The following ASB17 variants were observed in gnomAD, a reference collection of about 807,000 sequenced individuals.
ASB17 encodes the protein ankyrin repeat and SOCS box protein 17.
Under a neutral mutation model 25.7 loss-of-function variants are expected in ASB17, and 26 were observed. The ratio of observed to expected loss-of-function variants is 1.01; its 90% confidence interval spans 0.74 to 1.40. ASB17 has a LOEUF of 1.40. ASB17 is among the 40% of genes most tolerant of loss of function. The pLI is 0.00. For synonymous variants in ASB17, 128 were observed against 121.4 expected (o/e 1.05, Z -0.36); for missense variants, 326 against 338.5 (o/e 0.96, Z 0.29).
intron 1 of ASB17, among the ~76,000 whole-genome samples, chr1:75,931,483 T>C (rs1653319778): frequency 6.6e-6 from 1 of 152,224 alleles, no homozygotes; most frequent in African/African-American, 2.4e-5. Flanking sequence ...CTATTGTGTT[T>C]AATAAGTATT....
intron 1 of ASB17, among the ~76,000 whole-genome samples, chr1:75,928,723 A>G (rs1264501815): frequency 6.6e-6 from 1 of 152,232 alleles, no homozygotes; most frequent in Non-Finnish European, 1.5e-5. Context: ...ACTTCAGTGC[A>G]GTACAGGAAA....
intron 1 of ASB17, among the ~76,000 whole-genome samples, chr1:75,929,973 G>C (rs1196350170): frequency 2.1e-5 from 3 of 145,566 alleles, no homozygotes; most frequent in Admixed American, 6.9e-5. Context: ...TTGGCAGAGA[G>C]GGGGGGTGAG....
intron 1 of ASB17, among the ~76,000 whole-genome samples, chr1:75,927,718 C>T (rs1359203959): frequency 6.6e-6 from 1 of 151,918 alleles, no homozygotes; most frequent in Non-Finnish European, 1.5e-5. Context: ...ACTTGGAGTG[C>T]TTGAGTAGTC....
chr1:75,922,431 G>A, intron 1 of ASB17, 72 bp from the exon 2 acceptor site: 1 of 970,856 alleles, frequency 1.0e-6, no homozygotes, highest in Non-Finnish European at 1.4e-6. Context: ...TATCTTGCTA[G>A]TAATGGGAAA....
chr1:75,928,838 GGATA>G (rs1653242726), intron 1 of ASB17, among the ~76,000 whole-genome samples: 1 of 152,308 alleles, frequency 6.6e-6, no homozygotes, highest in South Asian at 2.1e-4. Context: ...CTATCCGTGA[GGATA>G]GATAGTGAGC....
chr1:75,929,006 G>C (rs1367908226), intron 1 of ASB17, among the ~76,000 whole-genome samples: 1 of 152,108 alleles, frequency 6.6e-6, no homozygotes, highest in Non-Finnish European at 1.5e-5. Context: ...CTGTGACCTA[G>C]CTGATGAGGA....
chr1:75,929,484 G>A (rs1255668820), intron 1 of ASB17, among the ~76,000 whole-genome samples: 1 of 152,006 alleles, frequency 6.6e-6, no homozygotes, highest in Non-Finnish European at 1.5e-5. Flanking sequence ...CTCCCAAAGT[G>A]CTGGGATTAC....
At chr1:75,927,850 T>C (rs1005257575) in intron 1 of ASB17, among the ~76,000 whole-genome samples, 13 of 152,200 alleles carry the variant, frequency 8.5e-5, no homozygotes, top group African/African-American at 3.1e-4. Flanking sequence ...GCATTACCCA[T>C]GGTGTAAATT....
intron 2 of ASB17, among the ~76,000 whole-genome samples, chr1:75,920,931 T>C (rs1321748299): frequency 6.6e-6 from 1 of 152,096 alleles, no homozygotes; most frequent in African/African-American, 2.4e-5. Context: ...CCCGCCACCA[T>C]GCCCAGCTAA....
At chr1:75,920,984 C>T (rs1017867929) in intron 2 of ASB17, among the ~76,000 whole-genome samples, 2 of 152,064 alleles carry the variant, frequency 1.3e-5, no homozygotes, top group Non-Finnish European at 2.9e-5. Context: ...CCTTGTTAGC[C>T]AGGATGGTCT....
At chr1:75,919,281 CT>C (rs35982986) in intron 2 of ASB17, 123 bp from the exon 3 acceptor site, 26,610 of 727,886 alleles carry the variant, frequency 0.037, 627 homozygotes, top group African/African-American at 0.064. Context: ...ACCCTTATAA[CT>C]TTTTTCCAAA....
intron 1 of ASB17, among the ~76,000 whole-genome samples, chr1:75,923,878 A>G (rs1272621407): frequency 1.3e-5 from 2 of 152,150 alleles, no homozygotes; most frequent in African/African-American, 2.4e-5. Context: ...TACCTAATTT[A>G]TTTAATACTT....
At chr1:75,924,687 A>T (rs1653121616) in intron 1 of ASB17, among the ~76,000 whole-genome samples, 1 of 152,140 alleles carries the variant, frequency 6.6e-6, no homozygotes, top group Admixed American at 6.6e-5. Flanking sequence ...CTTCCAACGC[A>T]TGGAGAACTT....
rs199681630 is a variant in ASB17, at chr1:75,932,163, G to C, written c.129C>G (p.Tyr43Ter). Residue 43 changes from tyrosine to a stop codon, truncating the protein, a stop_gained, in exon 1 of 3, where the codon TAC becomes TAG. Transcript: ENST00000284142. LOFTEE classifies it high-confidence loss of function. The stretch of plus-strand genomic sequence containing the variant: ...CCAGTGATCTGTAAATCCTTGGTTC[G>C]TAACAGTGATATCCCCACTGACCCA... The part of the protein sequence containing the change: ...QFLGQWGYHC[Y>*]EPRIYRSLAK... 1.2e-6 allele frequency: 2 copies of C among 1,614,100 alleles called. No individual in the cohort carries two copies. The highest frequency in any genetic ancestry group is 3.3e-5 in the Admixed American group (2 of 60,018).
chr1:75,928,863 A>G (rs1174246891), intron 1 of ASB17, among the ~76,000 whole-genome samples: 2 of 152,216 alleles, frequency 1.3e-5, no homozygotes, highest in African/African-American at 2.4e-5. Context: ...AAACCAATGA[A>G]AAAGGAACAA....
At chr1:75,920,432 C>T (rs1652995988) in intron 2 of ASB17, among the ~76,000 whole-genome samples, 1 of 152,110 alleles carries the variant, frequency 6.6e-6, no homozygotes, top group African/African-American at 2.4e-5. Context: ...ATATGCTTAG[C>T]ATTGTGATAG....
At position 75,922,181 on chromosome 1, in the gene ASB17, C is replaced by G; in HGVS notation, c.580G>C (p.Val194Leu). 1 of 1,613,848 alleles carries G rather than the reference C, an allele frequency of 6.2e-7. No individual in the cohort carries two copies. Among genetic ancestry groups the G allele is most frequent in the Non-Finnish European group, 8.5e-7 (1 of 1,179,820 alleles). The change falls in exon 2 of 3, where the codon GTA becomes CTA. Residue 194 changes from valine (V) to leucine (L), a missense_variant. By Grantham distance (32) the Val-to-Leu change is conservative (BLOSUM62 1). Transcript: ENST00000284142. Reference sequence around the variant, plus strand: ...TCAGCCAATTCACGATCAACCATTACTCTTACTCTCGAAGGGTAGAGTACT... The same window carrying G: ...TCAGCCAATTCACGATCAACCATTAGTCTTACTCTCGAAGGGTAGAGTACT... ...TIVLYPSRVR[V>L]MVDRELADIH...
Position 75,920,060 on chromosome 1 carries a change from C to T in ASB17, c.682-902G>A, listed in dbSNP as rs568109453. 3.9e-5 allele frequency among the ~76,000 whole-genome samples: 6 copies of T among 152,200 alleles called. 1 individual carries two copies. In the South Asian group the frequency reaches 8.3e-4, roughly 21 times the overall value. ...TTATCTGGGAGACTGTAAAAAATAC[C>T]AGTGCTCAGGCCCTACTCCACAAAT... On this transcript the variant is annotated intron_variant, in intron 2 of 2. Coordinates refer to ENST00000284142, the MANE Select transcript of ASB17 (RefSeq NM_080868.3).
At chr1:75,926,034 A>T (rs897505051) in intron 1 of ASB17, among the ~76,000 whole-genome samples, 1 of 152,082 alleles carries the variant, frequency 6.6e-6, no homozygotes, top group African/African-American at 2.4e-5. Flanking sequence ...GACCAATTTT[A>T]TTTGGCTATT....
Sources: gnomAD v4.1 joint callset for allele counts (sites outside exome capture counted in the v4.1 genomes callset) on GRCh38, gnomAD v4.1.1 for gene constraint, MANE v1.5 for transcripts, NCBI Gene and HGNC (gene_info 2026-07-23, HGNC 2026-07-21) for gene names.